The following ALG6 variants were observed in gnomAD, a reference collection of about 807,000 sequenced individuals.
ALG6 encodes the protein ALG6 alpha-1,3-glucosyltransferase.
Under a neutral mutation model 66.6 loss-of-function variants are expected in ALG6, and 46 were observed. That is an observed-to-expected ratio of 0.69 (90% CI 0.55 to 0.88). The LOEUF (loss-of-function observed/expected upper bound fraction) is 0.88. Among genes scored for constraint, ALG6 ranks in the 40% least tolerant of loss-of-function variants. The pLI, the probability that ALG6 is intolerant of heterozygous loss-of-function variation, is 0.00. For missense variants in ALG6, 505 were observed against 586.8 expected (o/e 0.86, Z 1.44); for synonymous variants, 185 against 203.7 (o/e 0.91, Z 0.78).
intron 2 of ALG6, among the ~76,000 whole-genome samples, chr1:63,372,584 A>G (rs1263063335): frequency 6.6e-6 from 1 of 152,074 alleles, no homozygotes; most frequent in East Asian, 1.9e-4. Context: ...ACACAGACAC[A>G]CATATATATA....
chr1:63,369,749 T>C (rs1647846067), intron 1 of ALG6, among the ~76,000 whole-genome samples: 1 of 152,218 alleles, frequency 6.6e-6, no homozygotes. Context: ...ATTTAAAGTG[T>C]ATCCTGTGGT....
At chr1:63,397,505 G>T in intron 3 of ALG6, among the ~76,000 whole-genome samples, 1 of 151,962 alleles carries the variant, frequency 6.6e-6, no homozygotes, top group East Asian at 1.9e-4. Context: ...TTTTCGTATG[G>T]TCTCATTTCC....
At chr1:63,413,911 T>C (rs1480997600) in intron 9 of ALG6, 150 bp from the exon 10 acceptor site, 3 of 615,412 alleles carry the variant, frequency 4.9e-6, no homozygotes, top group Non-Finnish European at 8.6e-6. Context: ...CGTATATGTT[T>C]ATTCCTGGAG....
rs577648460 is a variant in ALG6 at position 63,430,032 on chromosome 1, G to A, written c.1326+906G>A. On this transcript the variant is annotated intron_variant, in intron 14 of 14. Coordinates refer to ENST00000263440, the MANE Select transcript of ALG6 (RefSeq NM_013339.4). ...CTAGTAGCTGGAACTACAGGCATGC[G>A]CCACCATGCCCAGCTAAATTTTGTA... Among the ~76,000 whole-genome samples, 7 of 152,064 alleles carry A rather than the reference G, an allele frequency of 4.6e-5. No individual in the cohort carries two copies. In the South Asian group the frequency reaches 8.3e-4, roughly 18 times the overall value.
At chr1:63,417,954 G>A (rs1644553373) in intron 11 of ALG6, among the ~76,000 whole-genome samples, 1 of 151,998 alleles carries the variant, frequency 6.6e-6, no homozygotes, top group African/African-American at 2.4e-5. Context: ...TGACCAACAT[G>A]GAGAAACCCT....
chr1:63,432,875 T>C (rs1644654583), intron 14 of ALG6, among the ~76,000 whole-genome samples: 1 of 152,228 alleles, frequency 6.6e-6, no homozygotes, highest in Non-Finnish European at 1.5e-5. Flanking sequence ...CAAGTGATCC[T>C]CCTTCCTCAG....
intron 12 of ALG6, among the ~76,000 whole-genome samples, chr1:63,425,763 C>A (rs959323569): frequency 1.3e-5 from 2 of 152,058 alleles, no homozygotes; most frequent in Non-Finnish European, 2.9e-5. Flanking sequence ...GGATAACTCC[C>A]TTGCTTGAGG....
intron 12 of ALG6, among the ~76,000 whole-genome samples, chr1:63,423,346 A>G (rs76874228): frequency 0.01 from 1,587 of 152,296 alleles, 70 homozygotes; most frequent in East Asian, 0.092. Flanking sequence ...TTTAAAAGAA[A>G]TATTTAAAAT....
At chr1:63,408,209 T>C (rs2100418460) in intron 7 of ALG6, among the ~76,000 whole-genome samples, 1 of 152,306 alleles carries the variant, frequency 6.6e-6, no homozygotes, top group African/African-American at 2.4e-5. Context: ...AACTAACTAC[T>C]AATCCTATAG....
Position 63,438,268 on chromosome 1 carries a change from A to G in ALG6, c.*1248A>G, listed in dbSNP as rs1269258662. On this transcript the variant is annotated 3_prime_UTR_variant, in exon 15 of 15. Coordinates refer to ENST00000263440, the MANE Select transcript of ALG6 (RefSeq NM_013339.4). ...TTTCTTTCTCAAAGCAAATGTGCAT[A>G]AAGACTCAAAGGGCAGGTCAACGCA... 5 of 152,232 alleles carry G rather than the reference A, an allele frequency of 3.3e-5. No individual in the cohort carries two copies. Among genetic ancestry groups the G allele is most frequent in the Non-Finnish European group, 7.3e-5 (5 of 68,038 alleles). The allele number at this position is 152,232 out of a possible 1,614,324, so 9.4% of individuals were successfully genotyped here. A position where few individuals can be genotyped will look rare whatever the true frequency, so the allele number is the denominator to read the frequency against.
intron 14 of ALG6, among the ~76,000 whole-genome samples, chr1:63,432,492 A>G (rs781010640): frequency 1.3e-5 from 2 of 152,166 alleles, no homozygotes; most frequent in Non-Finnish European, 2.9e-5. Flanking sequence ...AAGTTCATAT[A>G]TTTAAGGCAT....
At chr1:63,396,401 T>G (rs1648827375) in intron 2 of ALG6, 112 bp from the exon 3 acceptor site, 1 of 903,442 alleles carries the variant, frequency 1.1e-6, no homozygotes, top group African/African-American at 1.6e-5. Flanking sequence ...ACTCCTGTGT[T>G]CTTTCTGTAA....
chr1:63,389,353 A>G (rs143449998), intron 2 of ALG6, among the ~76,000 whole-genome samples: 101 of 152,266 alleles, frequency 6.6e-4, no homozygotes, highest in African/African-American at 1.9e-3. Context: ...TGCTTGATCA[A>G]TTCTGCTGTT....
chr1:63,396,529 T>C lies in ALG6; in HGVS notation c.99T>C (p.Pro33=). 1 of 1,614,098 alleles carries C rather than the reference T, an allele frequency of 6.2e-7. No homozygotes were observed. Among genetic ancestry groups the C allele is most frequent in the Non-Finnish European group, 8.5e-7 (1 of 1,179,984 alleles). ...TGATCTTAGGTGCTGGTAAACCGCC[T>C]ATGTTTGGTGATTATGAAGCTCAGA... ...LNSYSGAGKP[P]MFGDYEAQRH... The change falls in exon 3 of 15, where the codon CCT becomes CCC. Residue 33 remains proline, a synonymous_variant. Transcript: ENST00000263440.
intron 9 of ALG6, chr1:63,413,607 A>C (rs1644527161): frequency 6.1e-6 from 1 of 163,938 alleles, no homozygotes; most frequent in Non-Finnish European, 1.3e-5. Context: ...ATGTCTTTAG[A>C]CTTTGATTTA....
At chr1:63,368,978 C>A (rs1288014200) in intron 1 of ALG6, among the ~76,000 whole-genome samples, 1 of 152,198 alleles carries the variant, frequency 6.6e-6, no homozygotes, top group African/African-American at 2.4e-5. Context: ...AACCACCATC[C>A]CTTCTTTCCT....
chr1:63,374,307 C>G (rs1648040676), intron 2 of ALG6, among the ~76,000 whole-genome samples: 1 of 152,132 alleles, frequency 6.6e-6, no homozygotes, highest in Non-Finnish European at 1.5e-5. Context: ...TGAGCCTCTT[C>G]TATCAAGTGG....
At chr1:63,436,798 T>G in intron 14 of ALG6, 25 bp from the exon 15 acceptor site, 1 of 1,607,464 alleles carries the variant, frequency 6.2e-7, no homozygotes, top group Admixed American at 1.7e-5. Flanking sequence ...TTTATACTAC[T>G]CAGTAATCCT....
At chr1:63,411,030 A>C in intron 7 of ALG6, 116 bp from the exon 8 acceptor site, 1 of 992,298 alleles carries the variant, frequency 1.0e-6, no homozygotes, top group Non-Finnish European at 1.5e-6. Flanking sequence ...TTAAAATCAC[A>C]TAAGAGATAT....
Sources: gnomAD v4.1 joint callset for allele counts (sites outside exome capture counted in the v4.1 genomes callset) on GRCh38, gnomAD v4.1.1 for gene constraint, MANE v1.5 for transcripts, NCBI Gene and HGNC (gene_info 2026-07-23, HGNC 2026-07-21) for gene names.